LIN7C: variants seen among roughly 807,000 people sequenced by gnomAD.
LIN7C encodes the protein protein lin-7 homolog C.
In LIN7C, 17 loss-of-function variants were observed where a neutral mutation model predicts 24.7. The observed-to-expected ratio is 0.69, with a 90% CI of 0.47 to 1.03. The LOEUF (loss-of-function observed/expected upper bound fraction) is 1.03, where lower values mean the gene tolerates loss of function less well. LIN7C is among the 50% of genes least tolerant of loss of function. The pLI is 0.00. For synonymous variants in LIN7C, 90 were observed against 83.4 expected (o/e 1.08, Z -0.43); for missense variants, 204 against 239.0 (o/e 0.85, Z 0.97).
chr11:27,502,154 A>G (rs569768136), intron 1 of LIN7C, among the ~76,000 whole-genome samples: 66 of 152,232 alleles, frequency 4.3e-4, no homozygotes, highest in Non-Finnish European at 7.9e-4. Flanking sequence ...AGGAAAAACT[A>G]CTGAGATTAC....
rs1208677514 is a variant in LIN7C at position 27,498,529 on chromosome 11, G to C, written c.*120C>G. ...AAATAGGCATTTATAAAATGACAAG[G>C]AGAATTTCATGATAAATTTGTTTGT... On this transcript the variant is annotated 3_prime_UTR_variant, in exon 5 of 5. Transcript: ENST00000278193. 2 of 913,042 alleles carry C rather than the reference G, an allele frequency of 2.2e-6. No individual in the cohort carries two copies. The highest frequency in any genetic ancestry group is 2.5e-5 in the Admixed American group (1 of 40,338). The allele number at this position is 913,042 out of a possible 1,614,324, so 56.6% of individuals were successfully genotyped here.
At position 27,498,821 on chromosome 11, in the gene LIN7C, C is replaced by G. The variant is rs1474346791; in HGVS notation, c.439-17G>C. On this transcript the variant is annotated splice_polypyrimidine_tract_variant and intron_variant, in intron 4 of 4. Coordinates refer to ENST00000278193, the MANE Select transcript of LIN7C (RefSeq NM_018362.4). ...TTCAACACTCTAGGGGAAAAAAAAA[C>G]AACCAACCATACACTAATATCTAAG... The G allele has an allele frequency of 1.3e-5, 21 of 1,601,226 alleles. No homozygotes were observed. The highest frequency in any genetic ancestry group is 1.8e-5 in the Non-Finnish European group (21 of 1,173,062).
chr11:27,499,862 C>CAG, intron 3 of LIN7C, among the ~76,000 whole-genome samples: 1 of 152,148 alleles, frequency 6.6e-6, no homozygotes, highest in East Asian at 1.9e-4. Flanking sequence ...CTCCTGACCT[C>CAG]GTGATCCGCC....
At chr11:27,505,425 T>G (rs1417100187) in intron 1 of LIN7C, among the ~76,000 whole-genome samples, 5 of 152,210 alleles carry the variant, frequency 3.3e-5, no homozygotes, top group Non-Finnish European at 7.3e-5. Flanking sequence ...CCAAACAGAT[T>G]TGCTCCCATC....
At position 27,506,755 on chromosome 11, in the gene LIN7C, T is replaced by G; in HGVS notation, c.-3A>C. On this transcript the variant is annotated 5_prime_UTR_variant, in exon 1 of 5. Coordinates refer to ENST00000278193, the MANE Select transcript of LIN7C (RefSeq NM_018362.4). The stretch of plus-strand genomic sequence containing the variant: ...ACGGGTTCCCCTAGCGCCGCCATCT[T>G]CTCCCTTAACCTACAGACCCACAGG... 6.2e-7 allele frequency: 1 copy of G among 1,613,706 alleles called. No homozygotes were observed. The highest frequency in any genetic ancestry group is 8.5e-7 in the Non-Finnish European group (1 of 1,179,904).
intron 4 of LIN7C, 35 bp from the exon 5 acceptor site, chr11:27,498,839 TA>T: frequency 6.3e-7 from 1 of 1,579,318 alleles, no homozygotes; most frequent in Non-Finnish European, 8.6e-7. Context: ...CATACACTAA[TA>T]TCTAAGTTTT....
In LIN7C at chr11:27,495,789, T is replaced by G. The variant is rs1048963797; in HGVS notation, c.*2860A>C. 6.6e-6 allele frequency: 1 copy of G among 151,386 alleles called. No individual in the cohort carries two copies. The highest frequency in any genetic ancestry group is 1.5e-5 in the Non-Finnish European group (1 of 67,732). 9.4% of individuals were successfully genotyped at this position (151,386 alleles called of 1,614,324 possible). ...GATAAGACTGTAATTACTTCCCAAA[T>G]AAGGAATGCCAAGTACCTTTTATTC... On this transcript the variant is annotated 3_prime_UTR_variant, in exon 5 of 5. Coordinates refer to ENST00000278193, the MANE Select transcript of LIN7C (RefSeq NM_018362.4).
chr11:27,504,462 T>C (rs1219652519), intron 1 of LIN7C, among the ~76,000 whole-genome samples: 1 of 152,202 alleles, frequency 6.6e-6, no homozygotes, highest in African/African-American at 2.4e-5. Flanking sequence ...GTAATTGTAC[T>C]GTAGGATTTT....
chr11:27,503,352 A>G (rs1193340860), intron 1 of LIN7C, among the ~76,000 whole-genome samples: 1 of 152,186 alleles, frequency 6.6e-6, no homozygotes, highest in East Asian at 1.9e-4. Flanking sequence ...TACCCCTGGT[A>G]CTACAATGCC....
At chr11:27,504,633 CCA>C (rs1423528678) in intron 1 of LIN7C, among the ~76,000 whole-genome samples, 1 of 152,176 alleles carries the variant, frequency 6.6e-6, no homozygotes, top group Non-Finnish European at 1.5e-5. Flanking sequence ...TCTTCAGATA[CCA>C]CAGATATCAA....
At chr11:27,500,039 C>T (rs780522039) in intron 3 of LIN7C, among the ~76,000 whole-genome samples, 7 of 152,292 alleles carry the variant, frequency 4.6e-5, no homozygotes, top group East Asian at 1.9e-4. Context: ...ATTTTAGAGA[C>T]GACAAATGAA....
intron 1 of LIN7C, among the ~76,000 whole-genome samples, chr11:27,503,662 C>T (rs1865246315): frequency 6.6e-6 from 1 of 151,036 alleles, no homozygotes; most frequent in Non-Finnish European, 1.5e-5. Flanking sequence ...TACAGGAGTC[C>T]ACCACCATGC....
intron 4 of LIN7C, 77 bp from the exon 5 acceptor site, chr11:27,498,881 AAT>A (rs1456885920): frequency 8.1e-7 from 1 of 1,232,706 alleles, no homozygotes; most frequent in East Asian, 2.4e-5. Flanking sequence ...AAATGTTTAC[AAT>A]ATATATAATG....
intron 3 of LIN7C, 77 bp from the exon 4 acceptor site, chr11:27,499,645 T>TCCATCTCGGG: frequency 6.2e-6 from 8 of 1,295,762 alleles, no homozygotes; most frequent in Non-Finnish European, 8.7e-6. Context: ...CCCCCCGAGA[T>TCCATCTCGGG]GGAGTCTCGC....
chr11:27,501,712 G>T, intron 2 of LIN7C, 90 bp downstream of exon 2: 1 of 974,552 alleles, frequency 1.0e-6, no homozygotes, highest in African/African-American at 1.6e-5. Context: ...GTTTTCTAAA[G>T]TTTTTCTTAA....
chr11:27,499,231 A>T, intron 4 of LIN7C, 128 bp downstream of exon 4: 1 of 693,664 alleles, frequency 1.4e-6, no homozygotes, highest in Non-Finnish European at 2.5e-6. Context: ...CACTGTATTA[A>T]TAGTACTGCC....
chr11:27,506,514 A>G (rs1482304174), intron 1 of LIN7C, among the ~76,000 whole-genome samples: 2 of 152,198 alleles, frequency 1.3e-5, no homozygotes, highest in African/African-American at 4.8e-5. Context: ...CCGTGTGAAC[A>G]GAGGAGGGCT....
chr11:27,502,323 A>G (rs1407734153), intron 1 of LIN7C, among the ~76,000 whole-genome samples: 1 of 152,206 alleles, frequency 6.6e-6, no homozygotes. Context: ...ATAAAAATTT[A>G]CCTAATTATT....
chr11:27,494,840 A>G lies in LIN7C; in HGVS notation c.*3809T>C, dbSNP rs1865147452. On this transcript the variant is annotated 3_prime_UTR_variant, in exon 5 of 5. Transcript: ENST00000278193. ...AAGAAACACTACTAGCAAACTTTAG[A>G]CAACAATTATAAAACCAGATTGTTG... The G allele has an allele frequency of 6.6e-6, 1 of 152,250 alleles. No homozygotes were observed. The highest frequency in any genetic ancestry group is 1.5e-5 in the Non-Finnish European group (1 of 68,048). The allele number at this position is 152,250 out of a possible 1,614,324, so 9.4% of individuals were successfully genotyped here.
Sources: allele counts gnomAD v4.1 joint callset (sites outside exome capture counted in the v4.1 genomes callset), GRCh38; gene constraint gnomAD v4.1.1; transcripts MANE v1.5; gene names NCBI Gene and HGNC (gene_info 2026-07-23, HGNC 2026-07-21).